Variants in CPNE6 observed in about 807,000 individuals in gnomAD.
CPNE6 encodes the protein copine 6.
A neutral mutation model predicts 71.5 loss-of-function variants in CPNE6; 33 were observed. The observed-to-expected ratio is 0.46, with a 90% CI of 0.35 to 0.62. The LOEUF is 0.62. CPNE6 is among the 20% of genes least tolerant of loss of function. CPNE6 has a pLI of 0.00. For synonymous variants in CPNE6, 296 were observed against 293.0 expected (o/e 1.01, Z -0.10); for missense variants, 576 against 747.3 (o/e 0.77, Z 2.67).
chr14:24,076,670 T>G, intron 14 of CPNE6, 113 bp downstream of exon 13: 1 of 1,497,952 alleles, frequency 6.7e-7, no homozygotes, highest in Non-Finnish European at 9.2e-7. Context: ...ATCCCAGGCC[T>G]GTCTTTATCA....
Position 24,077,785 on chromosome 14 carries a change from C to A in CPNE6, c.*37+18C>A. 1 of 1,475,812 alleles carries A rather than the reference C, an allele frequency of 6.8e-7. No individual in the cohort carries two copies. The highest frequency in any genetic ancestry group is 9.0e-7 in the Non-Finnish European group (1 of 1,114,660). 91.4% of individuals were successfully genotyped at this position (1,475,812 alleles called of 1,614,324 possible). On this transcript the variant is annotated intron_variant, in intron 17 of 17. Transcript: ENST00000397016. This position sits in a 1 kb window ranked among gnomAD's most constrained non-coding sequence, Gnocchi z 6.1. ...GCCTCTCAGTGAGTCCTGGGGCTTCCAAAGGAGTGGACACAGGGGGTGCAA... is the reference window on the plus strand; with the variant it reads ...GCCTCTCAGTGAGTCCTGGGGCTTCAAAAGGAGTGGACACAGGGGGTGCAA...
Position 24,074,837 on chromosome 14 carries a change from C to A in CPNE6, c.672+42C>A. On this transcript the variant is annotated intron_variant, in intron 8 of 17. Transcript: ENST00000397016. The surrounding 1 kb of genome is among the most constrained non-coding windows in gnomAD (Gnocchi z 4.5). ...GCCAGCACAGCCTACTTAGAGCAAC[C>A]AATCTGCTATCTAAGACCTTTCCCC... 1 of 1,531,190 alleles carries A rather than the reference C, an allele frequency of 6.5e-7. No homozygotes were observed. Among genetic ancestry groups the A allele is most frequent in the South Asian group, 1.2e-5 (1 of 86,576 alleles). 94.9% of individuals were successfully genotyped at this position (1,531,190 alleles called of 1,614,324 possible).
chr14:24,071,455 C>T, intron 1 of CPNE6, 107 bp from the exon 1 acceptor site: 2 of 1,511,540 alleles, frequency 1.3e-6, no homozygotes, highest in African/African-American at 1.4e-5. Context: ...CTGCCCCTTC[C>T]CTCTTCTCCC....
Position 24,077,804 on chromosome 14 carries a change from G to T in CPNE6, c.*37+37G>T. 2 of 1,424,176 alleles carry T rather than the reference G, an allele frequency of 1.4e-6. No individual in the cohort carries two copies. The highest frequency in any genetic ancestry group is 1.8e-6 in the Non-Finnish European group (2 of 1,084,494). The allele number at this position is 1,424,176 out of a possible 1,614,324, so 88.2% of individuals were successfully genotyped here. On this transcript the variant is annotated intron_variant, in intron 17 of 17. Coordinates refer to ENST00000397016, the Ensembl canonical transcript of CPNE6. This position sits in a 1 kb window ranked among gnomAD's most constrained non-coding sequence, Gnocchi z 6.1. ...GGCTTCCAAAGGAGTGGACACAGGG[G>T]GTGCAAAGTGGGGCTTGGTAGAGCC...
Position 24,074,011 on chromosome 14 carries a change from G to C in CPNE6, c.349-40G>C, listed in dbSNP as rs1242275608. On this transcript the variant is annotated intron_variant, in intron 4 of 17. Transcript: ENST00000397016. The surrounding 1 kb of genome is among the most constrained non-coding windows in gnomAD (Gnocchi z 4.5). ...CCCTTGTACGTGGCCAAGGCAGATG[G>C]GGATGTCACAGCTGGGTCTCCCTCC... The C allele has an allele frequency of 6.4e-7, 1 of 1,551,598 alleles. No individual in the cohort carries two copies. Among genetic ancestry groups the C allele is most frequent in the Admixed American group, 1.7e-5 (1 of 59,930 alleles).
intron 14 of CPNE6, 141 bp from the exon 14 acceptor site, chr14:24,076,738 C>A: frequency 6.9e-7 from 1 of 1,457,268 alleles, no homozygotes; most frequent in African/African-American, 1.4e-5. Context: ...TGCCAAGGGA[C>A]CATCCAACTC....
At chr14:24,071,079 T>C in intron 1 of CPNE6, 1 of 1,488,338 alleles carries the variant, frequency 6.7e-7, no homozygotes, top group Non-Finnish European at 9.1e-7. Flanking sequence ...TGTTCCTGTA[T>C]ATGTGACTGC....
chr14:24,077,392 T>C lies in CPNE6; in HGVS notation c.1536+2T>C. On this transcript the variant is annotated splice_donor_variant, in intron 16 of 17. Transcript: ENST00000397016. LOFTEE classifies it high-confidence loss of function. The surrounding 1 kb of genome is among the most constrained non-coding windows in gnomAD (Gnocchi z 6.1). ...GTGCCCTTCCGAGACTTCAAGGATG[T>C]GAGTCCCCCGGGCCCCTTCCGGCTG... The C allele has an allele frequency of 1.9e-6, 3 of 1,613,354 alleles. No individual in the cohort carries two copies. The highest frequency in any genetic ancestry group is 2.5e-6 in the Non-Finnish European group (3 of 1,179,460).
rs768826642 is a variant in CPNE6, at chr14:24,073,155, A to G, written c.168+51A>G. The G allele has an allele frequency of 2.3e-5, 32 of 1,410,506 alleles. No individual in the cohort carries two copies. In the South Asian group the frequency reaches 4.9e-4, roughly 22 times the overall value. 87.4% of individuals were successfully genotyped at this position (1,410,506 alleles called of 1,614,324 possible). ...AACTAACCTGGGTTAAGCTTGGGAA[A>G]GAGGGAGGCTGGGTGGGAGCAGTGA... is the stretch of plus-strand genomic sequence containing the variant. On this transcript the variant is annotated intron_variant, in intron 3 of 17. Transcript: ENST00000397016. The surrounding 1 kb of genome is among the most constrained non-coding windows in gnomAD (Gnocchi z 5.5).
Position 24,074,854 on chromosome 14 carries a change from C to T in CPNE6, c.672+59C>T. The T allele has an allele frequency of 1.4e-6, 2 of 1,426,958 alleles. No individual in the cohort carries two copies. The highest frequency in any genetic ancestry group is 1.4e-5 in the African/African-American group (1 of 70,888). The allele number at this position is 1,426,958 out of a possible 1,614,324, so 88.4% of individuals were successfully genotyped here. Reference sequence around the variant, plus strand: ...AGAGCAACCAATCTGCTATCTAAGACCTTTCCCCTGCATGTGGCAAGCCTC... The same window carrying T: ...AGAGCAACCAATCTGCTATCTAAGATCTTTCCCCTGCATGTGGCAAGCCTC... On this transcript the variant is annotated intron_variant, in intron 8 of 17. Transcript: ENST00000397016. This position sits in a 1 kb window ranked among gnomAD's most constrained non-coding sequence, Gnocchi z 4.5.
Position 24,074,254 on chromosome 14 carries a change from G to A in CPNE6, c.424-37G>A. On this transcript the variant is annotated intron_variant, in intron 5 of 17. Coordinates refer to ENST00000397016, the Ensembl canonical transcript of CPNE6. The surrounding 1 kb of genome is among the most constrained non-coding windows in gnomAD (Gnocchi z 4.5). ...GGGGATGGGGTGGCCCTTGTGGTAAGGTTAGGGGAGTCCTGCCACTTGTAT... is the reference window on the plus strand; with the variant it reads ...GGGGATGGGGTGGCCCTTGTGGTAAAGTTAGGGGAGTCCTGCCACTTGTAT... 1 of 1,600,638 alleles carries A rather than the reference G, an allele frequency of 6.2e-7. No individual in the cohort carries two copies. Among genetic ancestry groups the A allele is most frequent in the Non-Finnish European group, 8.5e-7 (1 of 1,170,094 alleles).
In CPNE6 at chr14:24,075,366, A is replaced by G. The variant is rs138155826; in HGVS notation, c.777+90A>G. Reference sequence around the variant, plus strand: ...TGAAGAGACCACCATAGGTGATAGGAAGTGGAGAGGGTGGAAAGCACCTGG... The same window carrying G: ...TGAAGAGACCACCATAGGTGATAGGGAGTGGAGAGGGTGGAAAGCACCTGG... On this transcript the variant is annotated intron_variant, in intron 9 of 17. Coordinates refer to ENST00000397016, the Ensembl canonical transcript of CPNE6. The surrounding 1 kb of genome is among the most constrained non-coding windows in gnomAD (Gnocchi z 4.3). 183 of 1,401,162 alleles carry G rather than the reference A, an allele frequency of 1.3e-4. No homozygotes were observed. In the African/African-American group the frequency reaches 2.2e-3, roughly 17 times the overall value. The allele number at this position is 1,401,162 out of a possible 1,614,324, so 86.8% of individuals were successfully genotyped here.
Position 24,074,276 on chromosome 14 carries a change from G to A in CPNE6, c.424-15G>A, listed in dbSNP as rs1300160183. 35 of 1,593,736 alleles carry A rather than the reference G, an allele frequency of 2.2e-5. No individual in the cohort carries two copies. Among genetic ancestry groups the A allele is most frequent in the African/African-American group, 2.7e-5 (2 of 74,474 alleles). The stretch of plus-strand genomic sequence containing the variant: ...TAAGGTTAGGGGAGTCCTGCCACTT[G>A]TATCCCCCTTGCAGATCGTGGCCGA... On this transcript the variant is annotated splice_polypyrimidine_tract_variant and intron_variant, in intron 5 of 17. Transcript: ENST00000397016. This position sits in a 1 kb window ranked among gnomAD's most constrained non-coding sequence, Gnocchi z 4.5.
Position 24,077,289 on chromosome 14 carries a change from A to T in CPNE6, c.1435A>T (p.Met479Leu), listed in dbSNP as rs370597829. ...CGTGGGCAATGCTGACTTCTCTGACATGCGGCTGCTGGATGGCGACGACGG... is the reference window on the plus strand; with the variant it reads ...CGTGGGCAATGCTGACTTCTCTGACTTGCGGCTGCTGGATGGCGACGACGG... The change falls in exon 16 of 18, where the codon ATG becomes TTG. Residue 479 changes from methionine to leucine, a missense_variant. Met to Leu is a conservative substitution (Grantham distance 15). This residue lies in a region of CPNE6 where 264 missense variants were observed against 339.9 expected (regional missense o/e 0.78). Coordinates refer to ENST00000397016, the Ensembl canonical transcript of CPNE6. The surrounding 1 kb of genome is among the most constrained non-coding windows in gnomAD (Gnocchi z 6.1). The T allele has an allele frequency of 5.0e-6, 8 of 1,613,724 alleles. No homozygotes were observed. Among genetic ancestry groups the T allele is most frequent in the Non-Finnish European group, 6.8e-6 (8 of 1,180,012 alleles).
Position 24,075,679 on chromosome 14 carries a change from A to G in CPNE6, c.864+88A>G, listed in dbSNP as rs1296600751. 1.4e-6 allele frequency: 2 copies of G among 1,388,790 alleles called. No homozygotes were observed. The highest frequency in any genetic ancestry group is 2.0e-6 in the Non-Finnish European group (2 of 995,168). The allele number at this position is 1,388,790 out of a possible 1,614,324, so 86.0% of individuals were successfully genotyped here. ...CAACCCTTCCCTTGTTTCAAAGACC[A>G]GTTTCTCTGCTTCTGGGAACTGGAA... On this transcript the variant is annotated intron_variant, in intron 10 of 17. Transcript: ENST00000397016. This position sits in a 1 kb window ranked among gnomAD's most constrained non-coding sequence, Gnocchi z 4.3.
At chr14:24,076,723 C>A (rs1252048795) in intron 14 of CPNE6, 156 bp from the exon 14 acceptor site, 13 of 1,447,534 alleles carry the variant, frequency 9.0e-6, no homozygotes, top group Non-Finnish European at 1.2e-5. Flanking sequence ...GCACCCAACT[C>A]TCCCTGCCAA....
At chr14:24,076,458 G>A (rs371464073) in intron 13 of CPNE6, 44 bp downstream of exon 12, 3 of 1,614,112 alleles carry the variant, frequency 1.9e-6, no homozygotes, top group African/African-American at 2.7e-5. Flanking sequence ...GGGCGTGTCA[G>A]TCAGGCAGAA....
chr14:24,077,586 AC>A lies in CPNE6; in HGVS notation c.1537-4del. 1 of 1,576,676 alleles carries A rather than the reference AC, an allele frequency of 6.3e-7. No homozygotes were observed. Among genetic ancestry groups the A allele is most frequent in the South Asian group, 1.2e-5 (1 of 84,584 alleles). ...CACCCCTAACCACATCACTGTCCCC[AC>A]CCTAGGCTGCCCCCTCTGCACTCGC... On this transcript the variant is annotated splice_polypyrimidine_tract_variant and splice_region_variant and intron_variant, in intron 16 of 17. Coordinates refer to ENST00000397016, the Ensembl canonical transcript of CPNE6. The surrounding 1 kb of genome is among the most constrained non-coding windows in gnomAD (Gnocchi z 6.1).
intron 2 of CPNE6, chr14:24,071,920 G>A: frequency 2.5e-6 from 1 of 399,564 alleles, no homozygotes; most frequent in Admixed American, 4.1e-5. Flanking sequence ...CACTTCTGAG[G>A]GAGGTACAGG....
Sources: gnomAD v4.1 joint callset for allele counts on GRCh38, gnomAD v4.1.1 for gene constraint, gnomAD v4.1.1 regional missense constraint, Gnocchi (gnomAD v3.1) non-coding constraint, MANE v1.5 for transcripts, NCBI Gene and HGNC (gene_info 2026-07-23, HGNC 2026-07-21) for gene names.